DACH1: variants seen among roughly 807,000 people sequenced by gnomAD.
The protein encoded by DACH1 is dachshund family transcription factor 1, also known as dachshund homolog 1.
In DACH1, 12 loss-of-function variants were observed where a neutral mutation model predicts 54.2. That is an observed-to-expected ratio of 0.22 (90% CI 0.14 to 0.36). The LOEUF (loss-of-function observed/expected upper bound fraction) is 0.36, where lower values mean the gene tolerates loss of function less well. Among genes scored for constraint, DACH1 ranks in the 10% least tolerant of loss-of-function variants. The probability of loss-of-function intolerance (pLI) is 1.00; values close to 1 mark genes in which losing one functional copy is unlikely to be tolerated. For missense variants in DACH1, 805 were observed against 929.8 expected (o/e 0.87, Z 1.75); for synonymous variants, 386 against 366.2 (o/e 1.05, Z -0.62).
At chr13:71,577,992 C>A (rs886492395) in intron 3 of DACH1, among the ~76,000 whole-genome samples, 1 of 152,048 alleles carries the variant, frequency 6.6e-6, no homozygotes, top group Non-Finnish European at 1.5e-5. Flanking sequence ...TATTTCTATG[C>A]ATTTTAGATA....
intron 7 of DACH1, among the ~76,000 whole-genome samples, chr13:71,480,495 G>A (rs1213129183): frequency 6.6e-6 from 1 of 152,128 alleles, no homozygotes; most frequent in Non-Finnish European, 1.5e-5. Context: ...AGCATTCTCT[G>A]TTTTCTCTCC....
At chr13:71,519,456 G>A (rs981108385) in intron 6 of DACH1, among the ~76,000 whole-genome samples, 1 of 151,528 alleles carries the variant, frequency 6.6e-6, no homozygotes, top group Non-Finnish European at 1.5e-5. Flanking sequence ...TTATTAAATT[G>A]TTCTTAGAAC....
At chr13:71,576,535 T>C (rs930526915) in intron 3 of DACH1, among the ~76,000 whole-genome samples, 11 of 152,194 alleles carry the variant, frequency 7.2e-5, no homozygotes, top group Non-Finnish European at 1.3e-4. Flanking sequence ...GATACATCTT[T>C]TAAGATGGAC....
intron 1 of DACH1, among the ~76,000 whole-genome samples, chr13:71,811,134 G>A (rs773883828): frequency 6.6e-6 from 1 of 151,908 alleles, no homozygotes; most frequent in African/African-American, 2.4e-5. Context: ...GCAAGTAAAG[G>A]TTCTTATTAA....
chr13:71,459,747 GATTT>G (rs887276008), intron 10 of DACH1, among the ~76,000 whole-genome samples: 2 of 151,776 alleles, frequency 1.3e-5, no homozygotes, highest in African/African-American at 2.4e-5. Flanking sequence ...TGAAAAACAA[GATTT>G]ATTATTTTCA....
At chr13:71,577,564 TG>T (rs1318163890) in intron 3 of DACH1, among the ~76,000 whole-genome samples, 1 of 152,210 alleles carries the variant, frequency 6.6e-6, no homozygotes, top group Non-Finnish European at 1.5e-5. Flanking sequence ...TAAGCACAAT[TG>T]TTTTTTACTT....
At position 71,586,913 on chromosome 13, in the gene DACH1, G is replaced by T. The variant is rs185135038; in HGVS notation, c.1127-13901C>A. ...TTCACATTATATCACTTACTTTAAT[G>T]ATTTTTGTTTTAATAGCCCAAAGTT... On this transcript the variant is annotated intron_variant, in intron 3 of 10. Transcript: ENST00000613252. Among the ~76,000 whole-genome samples the T allele has an allele frequency of 9.1e-4, 139 of 152,002 alleles. 1 individual carries two copies. The highest frequency in any genetic ancestry group is 1.7e-3 in the Non-Finnish European group (116 of 67,912).
intron 3 of DACH1, among the ~76,000 whole-genome samples, chr13:71,617,010 T>C (rs990431841): frequency 6.6e-6 from 1 of 151,280 alleles, no homozygotes; most frequent in East Asian, 2.0e-4. Flanking sequence ...GCCTCCCGAG[T>C]AGCTGGGATT....
intron 6 of DACH1, among the ~76,000 whole-genome samples, chr13:71,500,155 C>G (rs1048779670): frequency 6.6e-6 from 1 of 152,096 alleles, no homozygotes; most frequent in Non-Finnish European, 1.5e-5. Context: ...GTGCTGTGAC[C>G]TTGGCCAATT....
chr13:71,669,987 T>C lies in DACH1; in HGVS notation c.964+11808A>G, dbSNP rs147550356. 7.4e-3 allele frequency among the ~76,000 whole-genome samples: 1,104 copies of C among 149,932 alleles called. 31 individuals carry two copies. The highest frequency in any genetic ancestry group is 0.046 in the Admixed American group (685 of 15,042). ...AATAAATGTCTTTTAAAGAAAAGAG[T>C]CATAGCCTGACCTACTCATTGTATC... On this transcript the variant is annotated intron_variant, in intron 2 of 10. Coordinates refer to ENST00000613252, the MANE Select transcript of DACH1 (RefSeq NM_080759.6).
At chr13:71,784,947 T>C (rs1375110042) in intron 1 of DACH1, among the ~76,000 whole-genome samples, 1 of 152,166 alleles carries the variant, frequency 6.6e-6, no homozygotes, top group African/African-American at 2.4e-5. Flanking sequence ...TAAATAGTAA[T>C]GATCACTAGA....
Position 71,866,086 on chromosome 13 carries a change from C to A in DACH1, c.684G>T (p.Thr228=). The A allele has an allele frequency of 6.2e-7, 1 of 1,613,758 alleles. No homozygotes were observed. Among genetic ancestry groups the A allele is most frequent in the East Asian group, 2.2e-5 (1 of 44,764 alleles). The change falls in exon 1 of 11, where the codon ACG becomes ACT. Residue 228 remains threonine, a synonymous_variant. Coordinates refer to ENST00000613252, the MANE Select transcript of DACH1 (RefSeq NM_080759.6). The part of the protein sequence containing the change: ...FLKHLVGGLH[T]VYTKLKRLEI... ...CCAGCCGCTTCAGCTTGGTGTAGAC[C>A]GTATGCAAGCCCCCCACCAAGTGCT... is the stretch of plus-strand genomic sequence containing the variant.
intron 1 of DACH1, among the ~76,000 whole-genome samples, chr13:71,722,979 A>G (rs1254184035): frequency 6.6e-6 from 1 of 152,170 alleles, no homozygotes; most frequent in Non-Finnish European, 1.5e-5. Flanking sequence ...GGAATGACTC[A>G]GTACCATCTA....
intron 6 of DACH1, among the ~76,000 whole-genome samples, chr13:71,543,171 T>C (rs1883244714): frequency 6.6e-6 from 1 of 152,116 alleles, no homozygotes; most frequent in Non-Finnish European, 1.5e-5. Flanking sequence ...GGTTGTATGT[T>C]TATTGGGATC....
In DACH1 at chr13:71,722,134, C is replaced by G. The variant is rs575660062; in HGVS notation, c.849-40224G>C. ...TATAAATGAGTTTCTGTATTATAAA[C>G]AGGTAATACAATCAGGATGAAAGTG... is the stretch of plus-strand genomic sequence containing the variant. On this transcript the variant is annotated intron_variant, in intron 1 of 10. Coordinates refer to ENST00000613252, the MANE Select transcript of DACH1 (RefSeq NM_080759.6). 3.3e-5 allele frequency among the ~76,000 whole-genome samples: 5 copies of G among 152,256 alleles called. No individual in the cohort carries two copies. In the South Asian group the frequency reaches 8.3e-4, roughly 25 times the overall value.
At chr13:71,526,696 A>ATG (rs200000697) in intron 6 of DACH1, among the ~76,000 whole-genome samples, 51 of 146,846 alleles carry the variant, frequency 3.5e-4, no homozygotes, top group East Asian at 1.3e-3. Context: ...ATACATACAT[A>ATG]TGTGTGTGTG....
intron 6 of DACH1, among the ~76,000 whole-genome samples, chr13:71,516,892 A>C (rs1233966768): frequency 7.0e-6 from 1 of 141,920 alleles, no homozygotes; most frequent in Admixed American, 7.6e-5. Flanking sequence ...TCAGTCTCAT[A>C]TATACATATA....
intron 10 of DACH1, among the ~76,000 whole-genome samples, chr13:71,455,735 G>T (rs1006737880): frequency 1.3e-5 from 2 of 152,024 alleles, no homozygotes; most frequent in African/African-American, 4.8e-5. Flanking sequence ...CATCTAAAAA[G>T]ATACCAGATT....
chr13:71,676,137 G>C (rs1364629452), intron 2 of DACH1, among the ~76,000 whole-genome samples: 4 of 150,886 alleles, frequency 2.7e-5, no homozygotes, highest in African/African-American at 9.9e-5. Context: ...TTATACTTGT[G>C]CATTTTTGTG....
Sources: gnomAD v4.1 joint callset for allele counts (sites outside exome capture counted in the v4.1 genomes callset) on GRCh38, gnomAD v4.1.1 for gene constraint, MANE v1.5 for transcripts, NCBI Gene and HGNC (gene_info 2026-07-23, HGNC 2026-07-21) for gene names.